The following ASIC2 variants were observed in gnomAD, a reference collection of about 807,000 sequenced individuals.
ASIC2 encodes the protein acid-sensing ion channel 2.
A neutral mutation model predicts 57.3 loss-of-function variants in ASIC2; 25 were observed. The observed-to-expected ratio is 0.44, with a 90% CI of 0.32 to 0.61. The LOEUF is 0.61. Ranked by LOEUF, ASIC2 falls within the 20% of genes least tolerant of loss-of-function variation. The pLI is 0.06. For synonymous variants in ASIC2, 319 were observed against 307.5 expected (o/e 1.04, Z -0.39); for missense variants, 641 against 738.1 (o/e 0.87, Z 1.52).
chr17:33,908,118 A>G (rs1418096389), intron 1 of ASIC2, among the ~76,000 whole-genome samples: 1 of 152,094 alleles, frequency 6.6e-6, no homozygotes, highest in Non-Finnish European at 1.5e-5. Flanking sequence ...GCAGCTTTCC[A>G]TCATTCTCTG....
chr17:33,021,266 T>C lies in ASIC2; in HGVS notation c.1394A>G (p.Tyr465Cys). The C allele has an allele frequency of 1.3e-6, 2 of 1,571,738 alleles. No homozygotes were observed. The highest frequency in any genetic ancestry group is 1.7e-6 in the Non-Finnish European group (2 of 1,152,918). Residue 465 changes from tyrosine (Y) to cysteine (C), a missense_variant, in exon 7 of 10, where the codon TAT (tyrosine) becomes TGT (cysteine). By Grantham distance (194) the Tyr-to-Cys change is radical. Coordinates refer to ENST00000225823, the MANE Select transcript of ASIC2 (RefSeq NM_183377.2). ...VLDIFFEALNYETIEQKKAYE... is the reference protein window; with the variant it reads ...VLDIFFEALNCETIEQKKAYE... ...CGCCTTCTTCTGTTCAATTGTCTCA[T>C]AATTGAGAGCTTCAAAAAATATATC...
chr17:33,136,350 C>T (rs1194743781), intron 1 of ASIC2, among the ~76,000 whole-genome samples: 2 of 152,174 alleles, frequency 1.3e-5, no homozygotes, highest in African/African-American at 4.8e-5. Context: ...TAGAAAAATA[C>T]ACACAATAAA....
At chr17:33,661,092 G>T (rs1200841183) in intron 1 of ASIC2, among the ~76,000 whole-genome samples, 1 of 152,098 alleles carries the variant, frequency 6.6e-6, no homozygotes, top group African/African-American at 2.4e-5. Flanking sequence ...AAGCCAAGCC[G>T]ACTCCCTTCC....
intron 1 of ASIC2, among the ~76,000 whole-genome samples, chr17:33,768,227 C>G (rs1168343239): frequency 6.6e-6 from 1 of 151,952 alleles, no homozygotes; most frequent in Non-Finnish European, 1.5e-5. Flanking sequence ...ACCGTGGTCT[C>G]GATCTCCTGA....
intron 2 of ASIC2, among the ~76,000 whole-genome samples, chr17:33,107,680 G>A (rs752427292): frequency 3.9e-5 from 6 of 152,214 alleles, no homozygotes; most frequent in Admixed American, 1.3e-4. Context: ...CACTAACCAT[G>A]AGCCCATAGG....
At chr17:33,843,336 G>A (rs1335281483) in intron 1 of ASIC2, among the ~76,000 whole-genome samples, 1 of 152,282 alleles carries the variant, frequency 6.6e-6, no homozygotes, top group East Asian at 1.9e-4. Flanking sequence ...GGTAGGTTTA[G>A]AAATAGCTTC....
chr17:33,023,719 A>G, intron 6 of ASIC2, 142 bp downstream of exon 6: 1 of 1,121,666 alleles, frequency 8.9e-7, no homozygotes, highest in Non-Finnish European at 1.3e-6. Context: ...CATGGAGCGC[A>G]GAGCGTGACA....
intron 1 of ASIC2, among the ~76,000 whole-genome samples, chr17:34,095,875 A>G (rs994714245): frequency 3.3e-5 from 5 of 151,556 alleles, no homozygotes; most frequent in African/African-American, 1.2e-4. Context: ...AACACCTACT[A>G]TGTGGCACTG....
intron 1 of ASIC2, among the ~76,000 whole-genome samples, chr17:33,579,270 G>A (rs924397599): frequency 7.8e-6 from 1 of 128,060 alleles, no homozygotes; most frequent in Non-Finnish European, 1.5e-5. Context: ...TGGGTAGCAC[G>A]AATGAAACTG....
intron 1 of ASIC2, among the ~76,000 whole-genome samples, chr17:33,345,199 C>T (rs1187813621): frequency 6.6e-6 from 1 of 151,954 alleles, no homozygotes; most frequent in Admixed American, 6.5e-5. Flanking sequence ...CCAGAGTAGT[C>T]TAAACATGAC....
intron 1 of ASIC2, among the ~76,000 whole-genome samples, chr17:33,556,813 T>C (rs976801135): frequency 2.6e-5 from 4 of 152,226 alleles, no homozygotes; most frequent in African/African-American, 9.6e-5. Context: ...AAAGAAGCCA[T>C]TGATCCTCTC....
intron 1 of ASIC2, among the ~76,000 whole-genome samples, chr17:34,150,517 C>A (rs1338408704): frequency 6.6e-6 from 1 of 152,064 alleles, no homozygotes; most frequent in East Asian, 1.9e-4. Context: ...AATATATGTA[C>A]CTTTTACTAA....
chr17:33,561,371 T>C (rs1916068772), intron 1 of ASIC2, among the ~76,000 whole-genome samples: 2 of 152,220 alleles, frequency 1.3e-5, no homozygotes, highest in South Asian at 2.1e-4. Context: ...ATAGAACTGA[T>C]AGCACTGGCA....
chr17:33,683,730 C>T (rs973848189), intron 1 of ASIC2, among the ~76,000 whole-genome samples: 1 of 152,082 alleles, frequency 6.6e-6, no homozygotes, highest in Admixed American at 6.6e-5. Context: ...TTTACAGAGA[C>T]AGGGGTCTTG....
At chr17:33,084,206 T>C (rs528748567) in intron 3 of ASIC2, among the ~76,000 whole-genome samples, 1 of 152,278 alleles carries the variant, frequency 6.6e-6, no homozygotes, top group Admixed American at 6.5e-5. Context: ...AGTCATCTCA[T>C]GGAATCTTCT....
intron 1 of ASIC2, among the ~76,000 whole-genome samples, chr17:33,591,193 G>T (rs1904814064): frequency 6.6e-6 from 1 of 152,196 alleles, no homozygotes; most frequent in Non-Finnish European, 1.5e-5. Context: ...GTTACTGGCT[G>T]CCTGTCTGGT....
intron 1 of ASIC2, among the ~76,000 whole-genome samples, chr17:33,639,683 G>T (rs1218819736): frequency 6.7e-6 from 1 of 149,376 alleles, no homozygotes; most frequent in East Asian, 2.0e-4. Context: ...ATCAGGAAGT[G>T]ACTCTTCTCA....
At chr17:33,657,677 C>G (rs1452577734) in intron 1 of ASIC2, among the ~76,000 whole-genome samples, 1 of 151,642 alleles carries the variant, frequency 6.6e-6, no homozygotes, top group South Asian at 2.1e-4. Flanking sequence ...TGGGCCAGCT[C>G]CCCCGAAAGC....
At chr17:33,119,978 C>T (rs533502179) in intron 1 of ASIC2, among the ~76,000 whole-genome samples, 13 of 152,252 alleles carry the variant, frequency 8.5e-5, no homozygotes, top group East Asian at 1.9e-4. Flanking sequence ...TTGAACGCTC[C>T]GTCTGTTAAG....
Sources: gnomAD v4.1 joint callset for allele counts (sites outside exome capture counted in the v4.1 genomes callset) on GRCh38, gnomAD v4.1.1 for gene constraint, MANE v1.5 for transcripts, NCBI Gene and HGNC (gene_info 2026-07-23, HGNC 2026-07-21) for gene names.